XPA: variants seen among roughly 807,000 people sequenced by gnomAD.
XPA encodes XPA, DNA damage recognition and repair factor.
XPA carries 27 observed loss-of-function variants against 35.7 expected under a neutral mutation model. That is an observed-to-expected ratio of 0.76 (90% CI 0.56 to 1.04). XPA has a LOEUF of 1.04. Among genes scored for constraint, XPA ranks in the 50% least tolerant of loss-of-function variants. The pLI is 0.00. For synonymous variants in XPA, 133 were observed against 118.4 expected (o/e 1.12, Z -0.80); for missense variants, 354 against 342.7 (o/e 1.03, Z -0.26).
the XPA span, chr9:97,668,716 G>C: frequency 2.8e-4 from 165 of 597,446 alleles, 1 homozygote; most frequent in South Asian, 2.5e-3. Flanking sequence ...GTGGCGGGGT[G>C]GGGGGGTACT....
the XPA span, chr9:97,658,788 C>A: frequency 7.2e-7 from 1 of 1,380,040 alleles, no homozygotes; most frequent in Non-Finnish European, 1.0e-6. Flanking sequence ...GGTACCAGTT[C>A]AAGTATATCT....
downstream of XPA, chr9:97,672,212 G>A (rs1828213090): frequency 1.3e-5 from 2 of 152,196 alleles, no homozygotes; most frequent in African/African-American, 2.4e-5. Flanking sequence ...AAATTTCGAG[G>A]ATTTTTAGAC....
the XPA span, chr9:97,664,370 C>T: frequency 7.6e-5 from 123 of 1,612,086 alleles, no homozygotes; most frequent in Non-Finnish European, 9.9e-5. Flanking sequence ...TAAGATGATT[C>T]GTACACAAAT....
the XPA span, chr9:97,655,625 A>G: frequency 3.3e-6 from 4 of 1,210,156 alleles, no homozygotes; most frequent in South Asian, 5.6e-5. Flanking sequence ...TATCTGTTTG[A>G]AGGCTTATAT....
At chr9:97,693,876 A>T (rs1828965478) in intron 1 of XPA, 117 bp from the exon 2 acceptor site, 3 of 924,636 alleles carry the variant, frequency 3.2e-6, no homozygotes, top group Non-Finnish European at 5.1e-6. Flanking sequence ...AAGGATGTCC[A>T]CAATCACTAC....
chr9:97,655,419 C>G, the XPA span, among the ~76,000 whole-genome samples: 1 of 151,892 alleles, frequency 6.6e-6, no homozygotes, highest in Non-Finnish European at 1.5e-5. Context: ...GCTTCAGTTT[C>G]ATCATCTTTT....
At chr9:97,689,117 T>C (rs914247310) in intron 3 of XPA, among the ~76,000 whole-genome samples, 1 of 152,150 alleles carries the variant, frequency 6.6e-6, no homozygotes, top group African/African-American at 2.4e-5. Context: ...GAAAAAGGTA[T>C]TCGGAGCTAC....
intron 2 of XPA, among the ~76,000 whole-genome samples, chr9:97,692,314 G>C (rs1231077924): frequency 1.3e-5 from 2 of 151,776 alleles, no homozygotes; most frequent in Middle Eastern, 3.2e-3. Flanking sequence ...AAGAAAAGGG[G>C]AATTGTCATT....
chr9:97,674,296 T>C (rs1163881566), downstream of XPA, among the ~76,000 whole-genome samples: 1 of 150,746 alleles, frequency 6.6e-6, no homozygotes, highest in Non-Finnish European at 1.5e-5. Context: ...CACGTATTAG[T>C]CATTGAGTGT....
the XPA span, chr9:97,655,043 T>G: frequency 9.1e-7 from 1 of 1,096,086 alleles, no homozygotes; most frequent in Non-Finnish European, 1.3e-6. Context: ...TTTCCATGTT[T>G]AGTTTTTTTC....
intron 1 of XPA, among the ~76,000 whole-genome samples, 180 bp from the exon 2 acceptor site, chr9:97,693,939 C>T (rs770262060): frequency 1.3e-5 from 2 of 151,950 alleles, no homozygotes; most frequent in Non-Finnish European, 2.9e-5. Context: ...AGCAAGAAAA[C>T]CAAAAAGGCA....
the XPA span, among the ~76,000 whole-genome samples, chr9:97,656,495 G>A: frequency 1.2e-3 from 185 of 152,216 alleles, no homozygotes; most frequent in Non-Finnish European, 2.0e-3. Flanking sequence ...AGAGTCCTTT[G>A]AGCCAAGATG....
At position 97,674,968 on chromosome 9, in the gene XPA, C is replaced by G. The variant is rs1434194277; in HGVS notation, c.*471G>C. 1 of 522,438 alleles carries G rather than the reference C, an allele frequency of 1.9e-6. No homozygotes were observed. Among genetic ancestry groups the G allele is most frequent in the Admixed American group, 2.2e-5 (1 of 44,648 alleles). The allele number at this position is 522,438 out of a possible 1,614,324, so 32.4% of individuals were successfully genotyped here. A position where few individuals can be genotyped will look rare whatever the true frequency, so the allele number is the denominator to read the frequency against. On this transcript the variant is annotated 3_prime_UTR_variant, in exon 6 of 6. Transcript: ENST00000375128. ...TTAGGGCTTTTTCCAGCAGTAGTTC[C>G]CCACTGTTTCCACCATCGTGGAGAC... is the stretch of plus-strand genomic sequence containing the variant.
downstream of XPA, chr9:97,671,179 T>C (rs1314891821): frequency 1.9e-6 from 3 of 1,611,166 alleles, no homozygotes; most frequent in Non-Finnish European, 2.5e-6. Context: ...GTTCCAGCAG[T>C]TCTGTGCCCT....
intron 5 of XPA, among the ~76,000 whole-genome samples, chr9:97,683,126 C>T (rs1314381041): frequency 2.6e-5 from 4 of 152,074 alleles, no homozygotes; most frequent in African/African-American, 9.7e-5. Context: ...AAAATACCAC[C>T]TGGAAATGGT....
chr9:97,689,771 CCT>C (rs907603781), intron 2 of XPA, 132 bp from the exon 3 acceptor site: 6 of 530,044 alleles, frequency 1.1e-5, no homozygotes, highest in Non-Finnish European at 9.9e-6. Context: ...CAAAATAAGA[CCT>C]TATGTTTATC....
At chr9:97,656,298 C>A in the XPA span, among the ~76,000 whole-genome samples, 1 of 152,196 alleles carries the variant, frequency 6.6e-6, no homozygotes, top group Admixed American at 6.5e-5. Flanking sequence ...AAAGATGTCA[C>A]AGGCCGGGCG....
rs1829090431 is a variant in XPA, at chr9:97,697,305, C to A, written c.-13G>T. On this transcript the variant is annotated 5_prime_UTR_variant, in exon 1 of 6. Transcript: ENST00000375128. Reference sequence around the variant, plus strand: ...CGGCCGCCGCCATCTCTGGCCCACTCCGAGGACCTAGCTCCCAGCTCCACG... The same window carrying A: ...CGGCCGCCGCCATCTCTGGCCCACTACGAGGACCTAGCTCCCAGCTCCACG... 6.3e-7 allele frequency: 1 copy of A among 1,597,478 alleles called. No individual in the cohort carries two copies. Among genetic ancestry groups the A allele is most frequent in the Non-Finnish European group, 8.5e-7 (1 of 1,179,200 alleles).
Position 97,693,578 on chromosome 9 carries a change from C to T in XPA, c.283+71G>A, listed in dbSNP as rs1278326128. The T allele has an allele frequency of 2.3e-6, 3 of 1,303,114 alleles. No individual in the cohort carries two copies. In the Admixed American group the frequency reaches 5.2e-5, roughly 23 times the overall value. The allele number at this position is 1,303,114 out of a possible 1,614,324, so 80.7% of individuals were successfully genotyped here. ...GTAGTTATGGCATTATTTAGCATCA[C>T]TTTGCATAGAATTATGCATGTTACT... On this transcript the variant is annotated intron_variant, in intron 2 of 5. Transcript: ENST00000375128.
Sources: allele counts gnomAD v4.1 joint callset (sites outside exome capture counted in the v4.1 genomes callset), GRCh38; gene constraint gnomAD v4.1.1; transcripts MANE v1.5; gene names NCBI Gene and HGNC (gene_info 2026-07-23, HGNC 2026-07-21).